AMDHD1: variants seen among roughly 807,000 people sequenced by gnomAD.
AMDHD1 encodes probable imidazolonepropionase.
AMDHD1 carries 45 observed loss-of-function variants against 44.1 expected under a neutral mutation model. The ratio of observed to expected loss-of-function variants is 1.02; its 90% CI spans 0.80 to 1.31. The LOEUF is 1.31. Among genes scored for constraint, AMDHD1 ranks in the 50% most tolerant of loss-of-function variants. The pLI is 0.00. For missense variants in AMDHD1, 586 were observed against 552.1 expected (o/e 1.06, Z -0.61); for synonymous variants, 206 against 205.0 (o/e 1.00, Z -0.04).
At position 95,955,622 on chromosome 12, in the gene AMDHD1, C is replaced by A. The variant is rs956646456; in HGVS notation, c.309+647C>A. Among the ~76,000 whole-genome samples the A allele has an allele frequency of 3.9e-5, 6 of 152,206 alleles. No individual in the cohort carries two copies. In the East Asian group the frequency reaches 1.2e-3, roughly 29 times the overall value. ...ACAGAATTTCAGAGCCAAAAGCAGT[C>A]CAATCCTCTCATTGTATAGACGGAG... On this transcript the variant is annotated intron_variant, in intron 3 of 8. Transcript: ENST00000266736.
chr12:95,966,379 T>C lies in AMDHD1; in HGVS notation c.1064T>C (p.Met355Thr). ...PMVMHLACVN[M>T]RMSMPEALAA... ...GTCATGCATCTGGCCTGTGTAAACA[T>C]GAGAATGTCCATGCCTGAGGCCTTG... The change falls in exon 8 of 9, where the codon ATG becomes ACG. Residue 355 changes from methionine (M) to threonine (T), a missense_variant. Physicochemically the swap from Met to Thr is moderately conservative, Grantham distance 81. Coordinates refer to ENST00000266736, the MANE Select transcript of AMDHD1 (RefSeq NM_152435.3). 6.2e-7 allele frequency: 1 copy of C among 1,614,144 alleles called. No homozygotes were observed. The highest frequency in any genetic ancestry group is 8.5e-7 in the Non-Finnish European group (1 of 1,179,982).
At chr12:95,951,903 T>C (rs1198524793) in intron 1 of AMDHD1, among the ~76,000 whole-genome samples, 1 of 152,244 alleles carries the variant, frequency 6.6e-6, no homozygotes, top group Non-Finnish European at 1.5e-5. Context: ...TCTATTCAGA[T>C]CTTTTGTCCA....
chr12:95,954,780 T>C, intron 2 of AMDHD1, 131 bp from the exon 3 acceptor site: 1 of 739,494 alleles, frequency 1.4e-6, no homozygotes. Context: ...ATTCTTCCTT[T>C]CATGCTCCTC....
At position 95,943,497 on chromosome 12, in the gene AMDHD1, C is replaced by T; in HGVS notation, c.99C>T (p.Ser33=). ...ERFLARDALR[S]LAVLEGASLV... Reference sequence around the variant, plus strand: ...TCCTGGCGCGGGATGCGCTGCGCAGCCTGGCGGTGCTGGAAGGCGCCAGCC... The same window carrying T: ...TCCTGGCGCGGGATGCGCTGCGCAGTCTGGCGGTGCTGGAAGGCGCCAGCC... The change falls in exon 1 of 9, where the codon AGC becomes AGT. Residue 33 remains serine (S), a synonymous_variant. Transcript: ENST00000266736. The T allele has an allele frequency of 1.3e-6, 2 of 1,497,764 alleles. No homozygotes were observed. Among genetic ancestry groups the T allele is most frequent in the Non-Finnish European group, 1.8e-6 (2 of 1,127,354 alleles). 92.8% of individuals were successfully genotyped at this position (1,497,764 alleles called of 1,614,324 possible). A position where few individuals can be genotyped will look rare whatever the true frequency, so the allele number is the denominator to read the frequency against.
chr12:95,965,247 C>A (rs12308844), intron 6 of AMDHD1, among the ~76,000 whole-genome samples: 1 of 142,404 alleles, frequency 7.0e-6, no homozygotes, highest in Non-Finnish European at 1.5e-5. Context: ...TGGAGTGAGC[C>A]GAGATCGTGC....
chr12:95,966,434 A>G lies in AMDHD1; in HGVS notation c.1119A>G (p.Ala373=), dbSNP rs781449069. Residue 373 remains alanine (A), a synonymous_variant, in exon 8 of 9, where the codon GCA becomes GCG. Coordinates refer to ENST00000266736, the MANE Select transcript of AMDHD1 (RefSeq NM_152435.3). ...LAAATINAAY[A]LGKSHTHGSL... Reference sequence around the variant, plus strand: ...CTGCCACCATCAATGCAGCTTATGCACTGGGAAAGTCTCACACACACGGAT... The same window carrying G: ...CTGCCACCATCAATGCAGCTTATGCGCTGGGAAAGTCTCACACACACGGAT... The G allele has an allele frequency of 1.2e-6, 2 of 1,614,238 alleles. No individual in the cohort carries two copies. The highest frequency in any genetic ancestry group is 1.7e-6 in the Non-Finnish European group (2 of 1,180,048).
At chr12:95,944,003 C>T (rs1335611552) in intron 1 of AMDHD1, among the ~76,000 whole-genome samples, 1 of 152,178 alleles carries the variant, frequency 6.6e-6, no homozygotes, top group African/African-American at 2.4e-5. Flanking sequence ...TTCACATCCT[C>T]GTGATCTCGT....
chr12:95,962,321 G>T (rs868233891), intron 5 of AMDHD1, 34 bp from the exon 6 acceptor site: 2 of 1,590,920 alleles, frequency 1.3e-6, no homozygotes, highest in Middle Eastern at 1.7e-4. Flanking sequence ...GTTGCTATTT[G>T]TTAAATCTTT....
chr12:95,963,176 G>A (rs1381932537), intron 6 of AMDHD1, among the ~76,000 whole-genome samples: 1 of 152,188 alleles, frequency 6.6e-6, no homozygotes, highest in Non-Finnish European at 1.5e-5. Context: ...CTTAGGACTA[G>A]GTGCTTTCTG....
chr12:95,945,552 T>A (rs1212347690), intron 1 of AMDHD1, among the ~76,000 whole-genome samples: 1 of 152,204 alleles, frequency 6.6e-6, no homozygotes, highest in Non-Finnish European at 1.5e-5. Context: ...AAGGTAAAAG[T>A]GTTTTCAGGG....
intron 5 of AMDHD1, among the ~76,000 whole-genome samples, chr12:95,961,955 C>T (rs1487341463): frequency 6.6e-6 from 1 of 152,194 alleles, no homozygotes; most frequent in East Asian, 1.9e-4. Flanking sequence ...AATAATAAAA[C>T]GCTGTTTCTC....
intron 6 of AMDHD1, among the ~76,000 whole-genome samples, chr12:95,962,989 T>C (rs1188046663): frequency 6.6e-6 from 1 of 152,090 alleles, no homozygotes. Flanking sequence ...TCCCCAGATA[T>C]TTTGCTGTAT....
At chr12:95,947,628 G>A (rs1592820444) in intron 1 of AMDHD1, among the ~76,000 whole-genome samples, 1 of 62,266 alleles carries the variant, frequency 1.6e-5, no homozygotes, top group Non-Finnish European at 2.9e-5. Flanking sequence ...GAGGTGGGGG[G>A]GTCAGCCCCC....
rs1477383190 is a variant in AMDHD1, at chr12:95,947,507, C to G, written c.137+3972C>G. On this transcript the variant is annotated intron_variant, in intron 1 of 8. Transcript: ENST00000266736. ...GGAGCGTCTCCGACCGGCAGCCACC[C>G]CGTCCGGGAGGGAGGTGGGGGGGGT... 2 of 76,894 alleles carry G rather than the reference C, an allele frequency of 2.6e-5. 1 individual carries two copies. Among genetic ancestry groups the G allele is most frequent in the Admixed American group, 2.6e-4 (2 of 7,646 alleles). The allele number at this position is 76,894 out of a possible 1,614,324, so 4.8% of individuals were successfully genotyped here.
chr12:95,965,947 A>G (rs1345459071), intron 7 of AMDHD1, among the ~76,000 whole-genome samples, 168 bp downstream of exon 7: 1 of 152,242 alleles, frequency 6.6e-6, no homozygotes, highest in Non-Finnish European at 1.5e-5. Flanking sequence ...TTTCTGTCCC[A>G]CATAAATGCC....
intron 1 of AMDHD1, among the ~76,000 whole-genome samples, chr12:95,944,665 G>C (rs2080485869): frequency 6.6e-6 from 1 of 152,082 alleles, no homozygotes; most frequent in Non-Finnish European, 1.5e-5. Flanking sequence ...CATCCACCTG[G>C]TTTGGCCTCC....
At chr12:95,966,566 G>A (rs1295216098) in intron 8 of AMDHD1, 58 bp downstream of exon 8, 1 of 1,593,736 alleles carries the variant, frequency 6.3e-7, no homozygotes, top group East Asian at 2.2e-5. Context: ...TGCAGATGAG[G>A]CCTAAATCCC....
chr12:95,943,751 G>C (rs1175891624), intron 1 of AMDHD1, among the ~76,000 whole-genome samples: 1 of 152,208 alleles, frequency 6.6e-6, no homozygotes, highest in East Asian at 1.9e-4. Flanking sequence ...CCATTGGAAC[G>C]CATCAGGGTC....
chr12:95,946,830 C>G (rs1474522130), intron 1 of AMDHD1, among the ~76,000 whole-genome samples: 1 of 17,378 alleles, frequency 5.8e-5, no homozygotes, highest in Admixed American at 6.3e-4. Flanking sequence ...TTGGCCGGGC[C>G]GGTCTCCAGC....
Sources: gnomAD v4.1 joint callset for allele counts (sites outside exome capture counted in the v4.1 genomes callset) on GRCh38, gnomAD v4.1.1 for gene constraint, MANE v1.5 for transcripts, NCBI Gene and HGNC (gene_info 2026-07-23, HGNC 2026-07-21) for gene names.